RPRD2: variants seen among roughly 807,000 people sequenced by gnomAD.
RPRD2 encodes the protein regulation of nuclear pre-mRNA domain containing 2, also known as regulation of nuclear pre-mRNA domain-containing protein 2.
Under a neutral mutation model 104.4 loss-of-function variants are expected in RPRD2, and 12 were observed. The ratio of observed to expected loss-of-function variants is 0.11; its 90% CI spans 0.07 to 0.19. The LOEUF is 0.19. Ranked by LOEUF, RPRD2 falls within the 10% of genes least tolerant of loss-of-function variation. The pLI is 1.00. For missense variants in RPRD2, 1,543 were observed against 1,790.1 expected (o/e 0.86, Z 2.49); for synonymous variants, 714 against 684.9 (o/e 1.04, Z -0.66).
At chr1:150,428,221 G>A (rs1665295322) in intron 2 of RPRD2, among the ~76,000 whole-genome samples, 1 of 151,968 alleles carries the variant, frequency 6.6e-6, no homozygotes, top group East Asian at 1.9e-4. Flanking sequence ...GGAGGCCGAG[G>A]TGGGTGGATC....
At chr1:150,397,878 G>A (rs1338287387) in intron 1 of RPRD2, among the ~76,000 whole-genome samples, 2 of 151,980 alleles carry the variant, frequency 1.3e-5, no homozygotes, top group Non-Finnish European at 2.9e-5. Context: ...AGCCTCCGGA[G>A]TAGCTGGAAT....
At chr1:150,432,175 TA>T (rs59749202) in intron 2 of RPRD2, among the ~76,000 whole-genome samples, 45,205 of 131,006 alleles carry the variant, frequency 0.35, 7,506 homozygotes, top group Non-Finnish European at 0.41. Flanking sequence ...CCCTAAATCT[TA>T]AAAAAAAAAA....
At chr1:150,378,979 T>TAAAAAAAAAAAAAAAAAAAAAA (rs782457070) in intron 1 of RPRD2, among the ~76,000 whole-genome samples, 1 of 84,040 alleles carries the variant, frequency 1.2e-5, no homozygotes, top group Admixed American at 1.5e-4. Context: ...GAGACTTCAT[T>TAAAAAAAAAAAAAAAAAAAAAA]AAAAAAAAAA....
At chr1:150,462,945 C>T (rs1286521362) in intron 9 of RPRD2, among the ~76,000 whole-genome samples, 1 of 152,158 alleles carries the variant, frequency 6.6e-6, no homozygotes, top group Non-Finnish European at 1.5e-5. Flanking sequence ...CCTCAAACTT[C>T]TGGGTTCAAG....
At chr1:150,397,865 G>C (rs901983975) in intron 1 of RPRD2, among the ~76,000 whole-genome samples, 1 of 152,020 alleles carries the variant, frequency 6.6e-6, no homozygotes, top group Non-Finnish European at 1.5e-5. Flanking sequence ...TCCTGCCTCA[G>C]TCAGCCTCCG....
chr1:150,432,129 A>G (rs914512741), intron 2 of RPRD2, among the ~76,000 whole-genome samples: 16 of 152,086 alleles, frequency 1.1e-4, no homozygotes, highest in African/African-American at 3.9e-4. Flanking sequence ...TAAAAAAGGA[A>G]TGACATTACA....
intron 1 of RPRD2, among the ~76,000 whole-genome samples, chr1:150,393,550 C>T (rs141105648): frequency 6.6e-6 from 1 of 151,204 alleles, no homozygotes; most frequent in African/African-American, 2.4e-5. Flanking sequence ...GAATGTATCA[C>T]CCCATAGATT....
At chr1:150,401,894 T>C (rs1391236589) in intron 1 of RPRD2, among the ~76,000 whole-genome samples, 1 of 151,002 alleles carries the variant, frequency 6.6e-6, no homozygotes, top group Admixed American at 6.6e-5. Flanking sequence ...CCGCCTGCCT[T>C]GGCCTCCCAA....
chr1:150,397,718 A>T (rs1662637540), intron 1 of RPRD2, among the ~76,000 whole-genome samples: 1 of 152,186 alleles, frequency 6.6e-6, no homozygotes, highest in Non-Finnish European at 1.5e-5. Flanking sequence ...TGTTCTTGGT[A>T]ATTATGAATA....
Position 150,387,566 on chromosome 1 carries a change from C to CTTTTTT in RPRD2, c.205+22647_205+22648insTTTTTT, listed in dbSNP as rs1661661325. Among the ~76,000 whole-genome samples the CTTTTTT allele has an allele frequency of 2.0e-4, 14 of 70,116 alleles. 1 individual carries two copies. The highest frequency in any genetic ancestry group is 5.8e-4 in the South Asian group (1 of 1,726). The allele number at this position is 70,116 out of a possible 152,430, so 46.0% of individuals were successfully genotyped here. A position where few individuals can be genotyped will look rare whatever the true frequency, so the allele number is the denominator to read the frequency against. On this transcript the variant is annotated intron_variant, in intron 1 of 10. Coordinates refer to ENST00000369068, the MANE Select transcript of RPRD2 (RefSeq NM_015203.5). ...TAAATCTTACAGAAGTTGCAACAGA[C>CTTTTTT]CTTTTTTTTTTTTTTTTTTTTTTTT...
At position 150,472,637 on chromosome 1, in the gene RPRD2, A is replaced by G; in HGVS notation, c.3689A>G (p.Asp1230Gly). 1 of 1,613,706 alleles carries G rather than the reference A, an allele frequency of 6.2e-7. No individual in the cohort carries two copies. The highest frequency in any genetic ancestry group is 8.5e-7 in the Non-Finnish European group (1 of 1,179,766). ...PKDHGGIFSR[D>G]APTHLPSVDL... ...GATCATGGTGGTATCTTCTCTCGAGATGCACCCACTCATCTACCCTCTGTG... is the reference window on the plus strand; with the variant it reads ...GATCATGGTGGTATCTTCTCTCGAGGTGCACCCACTCATCTACCCTCTGTG... Residue 1230 changes from aspartate to glycine, a missense_variant, in exon 11 of 11, where the codon GAT (aspartate) becomes GGT (glycine). Physicochemically the swap from Asp to Gly is moderately conservative, Grantham distance 94. Transcript: ENST00000369068.
chr1:150,381,988 G>T (rs1661169836), intron 1 of RPRD2, among the ~76,000 whole-genome samples: 1 of 152,084 alleles, frequency 6.6e-6, no homozygotes, highest in African/African-American at 2.4e-5. Flanking sequence ...ATGATTGTTG[G>T]AATTAAATAA....
chr1:150,465,952 G>T (rs1030287693), intron 10 of RPRD2, among the ~76,000 whole-genome samples: 1 of 141,018 alleles, frequency 7.1e-6, no homozygotes. Flanking sequence ...TGCTGAGATC[G>T]CAGTAAGCCG....
At chr1:150,442,538 A>G (rs1468912363) in intron 4 of RPRD2, among the ~76,000 whole-genome samples, 2 of 152,176 alleles carry the variant, frequency 1.3e-5, no homozygotes, top group Admixed American at 6.6e-5. Flanking sequence ...AGGAATATTG[A>G]GAGAGACTTG....
At chr1:150,391,631 G>T (rs1662075973) in intron 1 of RPRD2, among the ~76,000 whole-genome samples, 1 of 152,236 alleles carries the variant, frequency 6.6e-6, no homozygotes, top group Non-Finnish European at 1.5e-5. Context: ...GGACAGGCCG[G>T]GATCAGTGGC....
chr1:150,370,944 C>A (rs1292653780), intron 1 of RPRD2, among the ~76,000 whole-genome samples: 1 of 152,154 alleles, frequency 6.6e-6, no homozygotes, highest in Non-Finnish European at 1.5e-5. Context: ...TTCTACTGAT[C>A]TCCCCACTTC....
At chr1:150,408,125 A>G (rs1007491572) in intron 1 of RPRD2, among the ~76,000 whole-genome samples, 5 of 151,002 alleles carry the variant, frequency 3.3e-5, no homozygotes, top group African/African-American at 1.2e-4. Flanking sequence ...TAGAAAGTTT[A>G]GAAAATAACA....
At chr1:150,448,073 C>T (rs995452505) in intron 7 of RPRD2, among the ~76,000 whole-genome samples, 4 of 152,204 alleles carry the variant, frequency 2.6e-5, no homozygotes, top group Non-Finnish European at 4.4e-5. Context: ...CTCCCTACTT[C>T]GTAAAATTTG....
chr1:150,369,828 T>C (rs1660166232), intron 1 of RPRD2, among the ~76,000 whole-genome samples: 1 of 151,362 alleles, frequency 6.6e-6, no homozygotes, highest in Admixed American at 6.6e-5. Context: ...TCGCCTAGGC[T>C]GGAGTACAGT....
Sources: allele counts gnomAD v4.1 joint callset (sites outside exome capture counted in the v4.1 genomes callset), GRCh38; gene constraint gnomAD v4.1.1; transcripts MANE v1.5; gene names NCBI Gene and HGNC (gene_info 2026-07-23, HGNC 2026-07-21).